The following IRAG1 variants were observed in gnomAD, a reference collection of about 807,000 sequenced individuals.
IRAG1 encodes the protein inositol 1,4,5-triphosphate receptor associated 1.
In IRAG1, 62 loss-of-function variants were observed where a neutral mutation model predicts 106.2. The ratio of observed to expected loss-of-function variants is 0.58; its 90% CI spans 0.48 to 0.72. The LOEUF (loss-of-function observed/expected upper bound fraction) is 0.72, where lower values mean the gene tolerates loss of function less well. Among genes scored for constraint, IRAG1 ranks in the 30% least tolerant of loss-of-function variants. The pLI, the probability that IRAG1 is intolerant of heterozygous loss-of-function variation, is 0.00. For synonymous variants in IRAG1, 462 were observed against 443.9 expected (o/e 1.04, Z -0.51); for missense variants, 1,064 against 1,140.7 (o/e 0.93, Z 0.97).
chr11:10,629,884 C>G, intron 4 of IRAG1, 173 bp from the exon 5 acceptor site: 4 of 634,876 alleles, frequency 6.3e-6, no homozygotes, highest in Non-Finnish European at 1.1e-5. Context: ...GCTTCCTCTG[C>G]AGGCCTGGCC....
intron 4 of IRAG1, 182 bp from the exon 5 acceptor site, chr11:10,629,893 C>T (rs1378143061): frequency 1.6e-6 from 1 of 613,908 alleles, no homozygotes; most frequent in Non-Finnish European, 2.8e-6. Context: ...GCAGGCCTGG[C>T]CCCTATGGCT....
At chr11:10,654,403 C>T (rs1858760958) in intron 1 of IRAG1, among the ~76,000 whole-genome samples, 1 of 152,250 alleles carries the variant, frequency 6.6e-6, no homozygotes, top group Non-Finnish European at 1.5e-5. Flanking sequence ...TGACCACCAT[C>T]TTGATTGCTG....
intron 1 of IRAG1, among the ~76,000 whole-genome samples, chr11:10,656,597 C>T (rs562683386): frequency 6.6e-6 from 1 of 152,332 alleles, no homozygotes; most frequent in East Asian, 1.9e-4. Context: ...ACTTCTAAGT[C>T]GCCTACTGAG....
intron 14 of IRAG1, among the ~76,000 whole-genome samples, chr11:10,601,548 CATA>C (rs1854014050): frequency 6.6e-6 from 1 of 152,184 alleles, no homozygotes; most frequent in Non-Finnish European, 1.5e-5. Context: ...GGACAATCGA[CATA>C]ATAAACCAGG....
chr11:10,654,296 G>C (rs913749338), intron 1 of IRAG1, among the ~76,000 whole-genome samples: 3 of 152,202 alleles, frequency 2.0e-5, no homozygotes, highest in Non-Finnish European at 4.4e-5. Flanking sequence ...TAGGCAAGGT[G>C]TCAGATTCAT....
rs1862213109 is a variant in IRAG1 at position 10,693,380 on chromosome 11, G to T, written c.67+156C>A. 3.0e-6 allele frequency: 4 copies of T among 1,348,720 alleles called. No homozygotes were observed. The South Asian group carries it at 6.2e-5, about 21-fold the overall frequency. The allele number at this position is 1,348,720 out of a possible 1,614,324, so 83.5% of individuals were successfully genotyped here. A position where few individuals can be genotyped will look rare whatever the true frequency, so the allele number is the denominator to read the frequency against. On this transcript the variant is annotated intron_variant, in intron 1 of 20. Transcript: ENST00000423302. ...TAAAACTTAAGACAGCAACAATAAAGATACTCAGCTGAAATGCCACCCAAC... is the reference window on the plus strand; with the variant it reads ...TAAAACTTAAGACAGCAACAATAAATATACTCAGCTGAAATGCCACCCAAC...
intron 18 of IRAG1, among the ~76,000 whole-genome samples, chr11:10,587,262 A>C (rs1047388815): frequency 2.6e-5 from 4 of 152,196 alleles, no homozygotes; most frequent in Admixed American, 2.6e-4. Context: ...GGTATATTAG[A>C]TTCAACTTTT....
intron 1 of IRAG1, among the ~76,000 whole-genome samples, chr11:10,675,490 C>T (rs1448472019): frequency 6.6e-6 from 1 of 152,224 alleles, no homozygotes; most frequent in Non-Finnish European, 1.5e-5. Flanking sequence ...GGGTGGCTCT[C>T]TATCACTGAG....
At chr11:10,691,568 C>T (rs1016801273) in intron 1 of IRAG1, among the ~76,000 whole-genome samples, 2 of 150,952 alleles carry the variant, frequency 1.3e-5, no homozygotes, top group African/African-American at 2.4e-5. Context: ...ATGGCCCTAA[C>T]TTCCTCACCC....
At chr11:10,655,613 C>A (rs997433153) in intron 1 of IRAG1, among the ~76,000 whole-genome samples, 1 of 152,130 alleles carries the variant, frequency 6.6e-6, no homozygotes, top group African/African-American at 2.4e-5. Context: ...GATTCCTAAC[C>A]ACTTCAGGGG....
At chr11:10,684,590 T>C (rs1370487552) in intron 1 of IRAG1, among the ~76,000 whole-genome samples, 2 of 143,376 alleles carry the variant, frequency 1.4e-5, no homozygotes, top group East Asian at 4.1e-4. Flanking sequence ...ACATGTACCC[T>C]AAAACTTAAA....
intron 15 of IRAG1, among the ~76,000 whole-genome samples, chr11:10,599,280 T>C (rs528809188): frequency 2.0e-5 from 3 of 152,194 alleles, no homozygotes; most frequent in African/African-American, 4.8e-5. Flanking sequence ...TCCAGTATTA[T>C]ATAGGGCAAA....
intron 13 of IRAG1, 36 bp downstream of exon 13, chr11:10,604,369 G>A (rs185333448): frequency 1.2e-6 from 2 of 1,612,932 alleles, no homozygotes; most frequent in Non-Finnish European, 1.7e-6. Flanking sequence ...GACAGTCTCT[G>A]CTCCAGGGAT....
chr11:10,631,957 T>C lies in IRAG1; in HGVS notation c.400+34A>G, dbSNP rs926381653. 4 of 1,593,244 alleles carry C rather than the reference T, an allele frequency of 2.5e-6. No homozygotes were observed. The Admixed American group carries it at 6.7e-5, about 27-fold the overall frequency. ...AGCCACGCTGCCAGACCTGTCTTTC[T>C]ACTCAACATGCCTTAGATTGCCCTG... On this transcript the variant is annotated intron_variant, in intron 4 of 20. Coordinates refer to ENST00000423302, the MANE Select transcript of IRAG1 (RefSeq NM_130385.4).
At chr11:10,626,765 C>T (rs1254138887) in intron 8 of IRAG1, among the ~76,000 whole-genome samples, 182 bp from the exon 9 acceptor site, 1 of 152,210 alleles carries the variant, frequency 6.6e-6, no homozygotes, top group East Asian at 1.9e-4. Context: ...GTTTGTCAAA[C>T]AGACAGGAAA....
At chr11:10,606,951 C>A (rs546659082) in intron 11 of IRAG1, among the ~76,000 whole-genome samples, 179 bp from the exon 12 acceptor site, 1 of 152,294 alleles carries the variant, frequency 6.6e-6, no homozygotes, top group African/African-American at 2.4e-5. Flanking sequence ...CTGACTCTTA[C>A]GGCACCATGA....
At chr11:10,663,651 GT>G (rs1859570718) in intron 1 of IRAG1, among the ~76,000 whole-genome samples, 1 of 152,184 alleles carries the variant, frequency 6.6e-6, no homozygotes, top group Non-Finnish European at 1.5e-5. Context: ...CCAAGCAGTG[GT>G]TTCTGTTTCT....
rs746560455 is a variant in IRAG1, at chr11:10,609,841, A to G, written c.1458T>C (p.Ser486=). Residue 486 remains serine, a synonymous_variant, in exon 11 of 21, where the codon TCT becomes TCC. Transcript: ENST00000423302. ...EAAEQEKGLP[S]ELSPAIEEEE... Reference sequence around the variant, plus strand: ...CTTCCTCAATAGCTGGGGAGAGTTCAGAAGGAAGCCCTGAAAAAAAAGTGC... The same window carrying G: ...CTTCCTCAATAGCTGGGGAGAGTTCGGAAGGAAGCCCTGAAAAAAAAGTGC... The G allele has an allele frequency of 1.2e-6, 2 of 1,613,866 alleles. No homozygotes were observed. Among genetic ancestry groups the G allele is most frequent in the South Asian group, 2.2e-5 (2 of 91,074 alleles).
At chr11:10,614,892 T>C (rs1855270217) in intron 10 of IRAG1, among the ~76,000 whole-genome samples, 1 of 152,186 alleles carries the variant, frequency 6.6e-6, no homozygotes, top group African/African-American at 2.4e-5. Context: ...AAGGACTTCA[T>C]GTCTAAAACA....
Sources: allele counts gnomAD v4.1 joint callset (sites outside exome capture counted in the v4.1 genomes callset), GRCh38; gene constraint gnomAD v4.1.1; transcripts MANE v1.5; gene names NCBI Gene and HGNC (gene_info 2026-07-23, HGNC 2026-07-21).